Variants in ADCY7 observed in about 807,000 individuals in gnomAD.
The protein encoded by ADCY7 is adenylate cyclase 7, also known as adenylate cyclase type 7.
In ADCY7, 72 loss-of-function variants were observed where a neutral mutation model predicts 120.6. The observed-to-expected ratio is 0.60, with a 90% CI of 0.49 to 0.73. ADCY7 has a LOEUF of 0.73. ADCY7 is among the 30% of genes least tolerant of loss of function. The pLI is 0.00. For synonymous variants in ADCY7, 661 were observed against 628.0 expected (o/e 1.05, Z -0.78); for missense variants, 1,227 against 1,486.0 (o/e 0.83, Z 2.87).
intron 1 of ADCY7, among the ~76,000 whole-genome samples, chr16:50,274,381 TC>T (rs1567538516): frequency 7.2e-6 from 1 of 138,438 alleles, no homozygotes; most frequent in Non-Finnish European, 1.5e-5. Flanking sequence ...GGTCTTGGGC[TC>T]CAGGGACAGC....
At chr16:50,294,002 C>T (rs1295892541) in intron 6 of ADCY7, among the ~76,000 whole-genome samples, 1 of 150,926 alleles carries the variant, frequency 6.6e-6, no homozygotes, top group Non-Finnish European at 1.5e-5. Flanking sequence ...AGATGTGGGT[C>T]CCAGGAGACC....
intron 10 of ADCY7, among the ~76,000 whole-genome samples, chr16:50,303,564 G>C (rs1475613797): frequency 6.6e-6 from 1 of 151,990 alleles, no homozygotes; most frequent in Non-Finnish European, 1.5e-5. Context: ...GTCCTGTCTG[G>C]CCACCCCAAC....
At chr16:50,308,477 T>A (rs1178372043) in intron 16 of ADCY7, 66 bp downstream of exon 16, 2 of 1,604,662 alleles carry the variant, frequency 1.2e-6, no homozygotes, top group Non-Finnish European at 1.7e-6. Flanking sequence ...CTAGGAGCCC[T>A]CCCTGGTGAG....
chr16:50,301,625 C>A (rs1596952491), intron 10 of ADCY7: 1 of 203,744 alleles, frequency 4.9e-6, no homozygotes, highest in South Asian at 8.2e-5. Context: ...GGCCTGGGAG[C>A]CACTGGGCAG....
At chr16:50,259,826 C>T (rs532953542) in intron 1 of ADCY7, among the ~76,000 whole-genome samples, 3 of 152,294 alleles carry the variant, frequency 2.0e-5, no homozygotes, top group African/African-American at 7.2e-5. Flanking sequence ...GGTCAGAAGG[C>T]GCTAGTGGAC....
intron 1 of ADCY7, among the ~76,000 whole-genome samples, chr16:50,269,726 TCCTCTCTCCTA>T (rs2150830080): frequency 6.6e-6 from 1 of 152,292 alleles, no homozygotes; most frequent in African/African-American, 2.4e-5. Context: ...TGACACAGCA[TCCTCTCTCCTA>T]CCTCTCCCAC....
At chr16:50,303,777 G>T (rs2035884450) in intron 10 of ADCY7, among the ~76,000 whole-genome samples, 1 of 151,762 alleles carries the variant, frequency 6.6e-6, no homozygotes, top group Non-Finnish European at 1.5e-5. Context: ...GGAACTCCCT[G>T]GATCGCTGCC....
At position 50,297,101 on chromosome 16, in the gene ADCY7, G is replaced by A. The variant is rs2035403444; in HGVS notation, c.949-1803G>A. Among the ~76,000 whole-genome samples, 1 of 152,230 alleles carries A rather than the reference G, an allele frequency of 6.6e-6. No homozygotes were observed. Among genetic ancestry groups the A allele is most frequent in the Admixed American group, 6.5e-5 (1 of 15,292 alleles). On this transcript the variant is annotated intron_variant, in intron 7 of 25. Coordinates refer to ENST00000673801, the MANE Select transcript of ADCY7 (RefSeq NM_001114.5). This position sits in a 1 kb window ranked among gnomAD's most constrained non-coding sequence, Gnocchi z 4.4. ...CTCTCCAGCAGGCCCAGGAGGCGTG[G>A]CCCTATTGCACAGATGGGGAAAGGG...
chr16:50,266,377 C>G (rs1172110522), upstream of ADCY7: 1 of 152,722 alleles, frequency 6.5e-6, no homozygotes, highest in Non-Finnish European at 1.5e-5. Context: ...TCATTGGAGC[C>G]CGACAGCTCC....
intron 2 of ADCY7, among the ~76,000 whole-genome samples, chr16:50,290,062 C>A (rs1366218144): frequency 6.6e-6 from 1 of 152,246 alleles, no homozygotes; most frequent in African/African-American, 2.4e-5. Flanking sequence ...TCTGCTCACT[C>A]ACTGAGGGCC....
chr16:50,267,314 A>G (rs1334856932), intron 1 of ADCY7, among the ~76,000 whole-genome samples: 1 of 152,204 alleles, frequency 6.6e-6, no homozygotes, highest in South Asian at 2.1e-4. Context: ...ATGTATGTAC[A>G]GAGGGTGAGG....
intron 24 of ADCY7, 39 bp from the exon 25 acceptor site, chr16:50,314,973 CTT>C: frequency 6.2e-7 from 1 of 1,611,416 alleles, no homozygotes; most frequent in Non-Finnish European, 8.5e-7. Flanking sequence ...AAGCTTGAGG[CTT>C]TGCCTGCACG....
intron 1 of ADCY7, among the ~76,000 whole-genome samples, chr16:50,278,587 G>A (rs2034049757): frequency 6.6e-6 from 1 of 152,234 alleles, no homozygotes; most frequent in African/African-American, 2.4e-5. Flanking sequence ...GAACTTATCA[G>A]TCTCTTCTTT....
At position 50,260,750 on chromosome 16, in the gene ADCY7, G is replaced by A. The variant is rs528033023; in HGVS notation, c.-64+14547G>A. Among the ~76,000 whole-genome samples the A allele has an allele frequency of 4.6e-5, 7 of 152,276 alleles. No homozygotes were observed. The East Asian group carries it at 7.7e-4, about 17-fold the overall frequency. On this transcript the variant is annotated intron_variant, in intron 1 of 4. Coordinates refer to the ADCY7 transcript ENST00000564044. ...GGGTGGGTTGGTGCTGGCTGCTGGC[G>A]GGAGGCCTCCGTTCCTCGAACACAG...
upstream of ADCY7, among the ~76,000 whole-genome samples, chr16:50,261,749 A>G (rs2033063827): frequency 6.6e-6 from 1 of 152,146 alleles, no homozygotes; most frequent in Non-Finnish European, 1.5e-5. Context: ...CTGACTCCAG[A>G]GCTCTCAGAC....
intron 13 of ADCY7, 29 bp downstream of exon 13, chr16:50,305,615 C>T (rs55683248): frequency 3.2e-6 from 5 of 1,571,612 alleles, no homozygotes; most frequent in Non-Finnish European, 4.3e-6. Context: ...GTCCACCCCC[C>T]TCTCCTCTCC....
At chr16:50,246,357 C>G (rs993251046) in intron 1 of ADCY7, among the ~76,000 whole-genome samples, 31 of 151,952 alleles carry the variant, frequency 2.0e-4, no homozygotes, top group African/African-American at 7.2e-4. Context: ...CGCGGGTGCC[C>G]GGCGGTGGCG....
intron 3 of ADCY7, 55 bp downstream of exon 3, chr16:50,290,715 G>A (rs554580014): frequency 4.5e-5 from 70 of 1,564,960 alleles, no homozygotes; most frequent in African/African-American, 8.1e-5. Context: ...TCCCATCCCC[G>A]TGGTTGGTGG....
chr16:50,305,608 C>T, intron 13 of ADCY7, 22 bp downstream of exon 13: 13 of 1,579,992 alleles, frequency 8.2e-6, no homozygotes, highest in Non-Finnish European at 1.1e-5. Flanking sequence ...GACCTCTGTC[C>T]ACCCCCCTCT....
Sources: gnomAD v4.1 joint callset for allele counts (sites outside exome capture counted in the v4.1 genomes callset) on GRCh38, gnomAD v4.1.1 for gene constraint, Gnocchi (gnomAD v3.1) non-coding constraint, MANE v1.5 for transcripts, NCBI Gene and HGNC (gene_info 2026-07-23, HGNC 2026-07-21) for gene names.